CSMD1: variants seen among roughly 807,000 people sequenced by gnomAD.
CSMD1 encodes CUB and Sushi multiple domains 1, also known as CUB and sushi domain-containing protein 1.
In CSMD1, 213 loss-of-function variants were observed where a neutral mutation model predicts 417.5. The observed-to-expected ratio is 0.51, with a 90% CI of 0.46 to 0.57. The LOEUF (loss-of-function observed/expected upper bound fraction) is 0.57. Ranked by LOEUF, CSMD1 falls within the 20% of genes least tolerant of loss-of-function variation. The pLI is 0.00. For synonymous variants in CSMD1, 2,862 were observed against 1,736.8 expected (o/e 1.65, Z -16.11); for missense variants, 6,923 against 4,529.7 (o/e 1.53, Z -15.17).
intron 17 of CSMD1, among the ~76,000 whole-genome samples, chr8:3,388,814 C>G (rs145256436): frequency 1.3e-5 from 2 of 151,812 alleles, no homozygotes; most frequent in Admixed American, 6.6e-5. Context: ...CCAGAGGCAA[C>G]GTGGATATCA....
intron 1 of CSMD1, among the ~76,000 whole-genome samples, chr8:4,688,154 A>G (rs867605983): frequency 2.0e-5 from 3 of 152,182 alleles, no homozygotes; most frequent in South Asian, 2.1e-4. Context: ...GTTCTAAGGT[A>G]TTTGATTCTA....
chr8:3,550,527 T>C (rs1344489549), intron 10 of CSMD1, among the ~76,000 whole-genome samples: 1 of 152,208 alleles, frequency 6.6e-6, no homozygotes, highest in Non-Finnish European at 1.5e-5. Context: ...GTGTAGTGAT[T>C]CACTCAGGGT....
Position 3,552,209 on chromosome 8 carries a change from T to C in CSMD1, c.1344+22736A>G, listed in dbSNP as rs190627012. 8.5e-5 allele frequency among the ~76,000 whole-genome samples: 13 copies of C among 152,240 alleles called. No individual in the cohort carries two copies. The East Asian group carries it at 2.5e-3, about 29-fold the overall frequency. On this transcript the variant is annotated intron_variant, in intron 10 of 69. Transcript: ENST00000635120. The stretch of plus-strand genomic sequence containing the variant: ...AGTACTGTCTGTGGAAAAGACAACA[T>C]TCTGATTTAGAAAAAAGGGCTGAGG...
At chr8:3,108,857 T>C (rs929027629) in intron 43 of CSMD1, 109 bp from the exon 44 acceptor site, 1 of 1,080,464 alleles carries the variant, frequency 9.3e-7, no homozygotes, top group East Asian at 2.6e-5. Flanking sequence ...ATAAAACATA[T>C]GCATTCTCAG....
At chr8:3,264,088 C>A (rs1438237258) in intron 26 of CSMD1, among the ~76,000 whole-genome samples, 3 of 152,006 alleles carry the variant, frequency 2.0e-5, no homozygotes, top group African/African-American at 4.8e-5. Context: ...CCCAGAGATC[C>A]TTTTCTAAAC....
At chr8:4,336,839 G>C (rs1476676956) in intron 3 of CSMD1, among the ~76,000 whole-genome samples, 1 of 152,042 alleles carries the variant, frequency 6.6e-6, no homozygotes, top group African/African-American at 2.4e-5. Flanking sequence ...AATGAAGATG[G>C]GGTTGAGATT....
intron 5 of CSMD1, among the ~76,000 whole-genome samples, chr8:3,814,820 C>T (rs1489144102): frequency 6.6e-6 from 1 of 152,138 alleles, no homozygotes; most frequent in Admixed American, 6.5e-5. Context: ...TTCAAGCCAA[C>T]TCCAGTACCA....
intron 3 of CSMD1, among the ~76,000 whole-genome samples, chr8:4,415,184 C>A (rs759533767): frequency 1.1e-4 from 17 of 152,100 alleles, no homozygotes; most frequent in Non-Finnish European, 1.6e-4. Context: ...TCTCTGAGCT[C>A]CAGAGAACCC....
intron 5 of CSMD1, 78 bp downstream of exon 5, chr8:3,997,825 C>G: frequency 1.5e-6 from 2 of 1,308,532 alleles, no homozygotes; most frequent in Non-Finnish European, 1.1e-6. Context: ...CAGAGACAAG[C>G]AATTCTTGAA....
At chr8:4,038,675 T>C (rs1797738440) in intron 3 of CSMD1, among the ~76,000 whole-genome samples, 1 of 152,204 alleles carries the variant, frequency 6.6e-6, no homozygotes, top group Non-Finnish European at 1.5e-5. Flanking sequence ...TCCTGAGCCA[T>C]TTACACTCCT....
At chr8:4,664,465 T>C (rs528640856) in intron 1 of CSMD1, among the ~76,000 whole-genome samples, 83 of 152,200 alleles carry the variant, frequency 5.5e-4, no homozygotes, top group African/African-American at 1.8e-3. Context: ...GAGGCTAAGG[T>C]GGGAGGACTG....
intron 1 of CSMD1, among the ~76,000 whole-genome samples, chr8:4,652,449 G>A (rs1365638315): frequency 6.6e-6 from 1 of 152,016 alleles, no homozygotes; most frequent in Non-Finnish European, 1.5e-5. Flanking sequence ...GACAAGCGGG[G>A]TCAGTGCATG....
intron 5 of CSMD1, among the ~76,000 whole-genome samples, chr8:3,887,772 CTGAG>C (rs368300930): frequency 3.4e-4 from 52 of 152,304 alleles, no homozygotes; most frequent in African/African-American, 1.1e-3. Context: ...CCTAAATGAA[CTGAG>C]TGTGTGGTAT....
chr8:3,685,406 C>G (rs1302949833), intron 7 of CSMD1, among the ~76,000 whole-genome samples: 1 of 152,146 alleles, frequency 6.6e-6, no homozygotes, highest in Non-Finnish European at 1.5e-5. Flanking sequence ...GCTCACTGCA[C>G]AGAATGCCAA....
At chr8:4,591,013 C>T (rs943807193) in intron 2 of CSMD1, among the ~76,000 whole-genome samples, 2 of 152,160 alleles carry the variant, frequency 1.3e-5, no homozygotes, top group East Asian at 3.9e-4. Context: ...TGCCTTCTTC[C>T]CTGCTGTCAA....
At chr8:3,837,571 T>G (rs1802792974) in intron 5 of CSMD1, among the ~76,000 whole-genome samples, 1 of 152,128 alleles carries the variant, frequency 6.6e-6, no homozygotes, top group South Asian at 2.1e-4. Flanking sequence ...TAATGATACT[T>G]GAAATGACTG....
At chr8:3,496,377 T>G (rs1286500217) in intron 10 of CSMD1, among the ~76,000 whole-genome samples, 37 of 152,156 alleles carry the variant, frequency 2.4e-4, no homozygotes, top group Non-Finnish European at 2.9e-5. Context: ...ACCATGTGGC[T>G]TGCTCGTGGA....
chr8:4,619,176 A>T (rs531344948), intron 2 of CSMD1, among the ~76,000 whole-genome samples: 1 of 152,280 alleles, frequency 6.6e-6, no homozygotes, highest in East Asian at 1.9e-4. Flanking sequence ...CTTACTTTTA[A>T]GGGTGGTGGG....
At chr8:3,621,156 T>C (rs1796221403) in intron 7 of CSMD1, among the ~76,000 whole-genome samples, 1 of 152,194 alleles carries the variant, frequency 6.6e-6, no homozygotes, top group Non-Finnish European at 1.5e-5. Context: ...CTCAGGCTTC[T>C]ACCCTCTAGA....
Sources: gnomAD v4.1 joint callset for allele counts (sites outside exome capture counted in the v4.1 genomes callset) on GRCh38, gnomAD v4.1.1 for gene constraint, MANE v1.5 for transcripts, NCBI Gene and HGNC (gene_info 2026-07-23, HGNC 2026-07-21) for gene names.